Variants in SLC6A11 observed in about 807,000 individuals in gnomAD.
The protein encoded by SLC6A11 is sodium- and chloride-dependent GABA transporter 3.
A neutral mutation model predicts 74.8 loss-of-function variants in SLC6A11; 25 were observed. The observed-to-expected ratio is 0.33, with a 90% CI of 0.24 to 0.47. The LOEUF is 0.47. Ranked by LOEUF, SLC6A11 falls within the 20% of genes least tolerant of loss-of-function variation. The probability of loss-of-function intolerance (pLI) is 1.00; values close to 1 mark genes in which losing one functional copy is unlikely to be tolerated. For synonymous variants in SLC6A11, 330 were observed against 330.2 expected, an observed-to-expected ratio of 1.00 and a Z score of 0.01; for missense variants, 574 against 837.0, an observed-to-expected ratio of 0.69 and a Z score of 3.88.
intron 3 of SLC6A11, among the ~76,000 whole-genome samples, chr3:10,822,972 A>G (rs983165934): frequency 5.3e-5 from 8 of 152,334 alleles, no homozygotes; most frequent in African/African-American, 1.7e-4. Flanking sequence ...AGCCAGACAG[A>G]TAAATGCTAC....
rs935963183 is a variant in SLC6A11, at chr3:10,820,392, A to G, written c.532+540A>G. 5.9e-5 allele frequency among the ~76,000 whole-genome samples: 9 copies of G among 152,266 alleles called. No individual in the cohort carries two copies. The East Asian group carries it at 1.7e-3, about 29-fold the overall frequency. ...TTCAGGTTTCCAGCCTATCTTAAAA[A>G]CTTAAACGATCTGGTGACACCAGAC... is the stretch of plus-strand genomic sequence containing the variant. On this transcript the variant is annotated intron_variant, in intron 3 of 13. Coordinates refer to ENST00000254488, the MANE Select transcript of SLC6A11 (RefSeq NM_014229.3).
chr3:10,898,519 G>A (rs535640128), intron 6 of SLC6A11, among the ~76,000 whole-genome samples: 1 of 152,300 alleles, frequency 6.6e-6, no homozygotes, highest in Non-Finnish European at 1.5e-5. Context: ...CAAATATCTA[G>A]GACAGTGGCA....
At chr3:10,893,417 A>G (rs1695130164) in intron 6 of SLC6A11, among the ~76,000 whole-genome samples, 3 of 152,154 alleles carry the variant, frequency 2.0e-5, no homozygotes, top group South Asian at 4.1e-4. Flanking sequence ...TCACAGATGG[A>G]TAATATCAGG....
At chr3:10,891,535 A>G (rs1695107487) in intron 6 of SLC6A11, among the ~76,000 whole-genome samples, 2 of 152,366 alleles carry the variant, frequency 1.3e-5, no homozygotes, top group Non-Finnish European at 1.5e-5. Context: ...TTTCTTACAC[A>G]TAGAGTAAAA....
At chr3:10,885,219 C>T (rs909731455) in intron 6 of SLC6A11, among the ~76,000 whole-genome samples, 23 of 152,226 alleles carry the variant, frequency 1.5e-4, no homozygotes, top group African/African-American at 5.3e-4. Context: ...TCTTTAAAAT[C>T]TTTTATACTA....
At chr3:10,827,966 C>T (rs564386465) in intron 4 of SLC6A11, among the ~76,000 whole-genome samples, 5 of 152,154 alleles carry the variant, frequency 3.3e-5, no homozygotes, top group Non-Finnish European at 5.9e-5. Context: ...TCCTACAGGG[C>T]CAGGGATGCT....
chr3:10,849,989 A>G (rs941950716), intron 5 of SLC6A11, among the ~76,000 whole-genome samples: 1 of 151,976 alleles, frequency 6.6e-6, no homozygotes, highest in Non-Finnish European at 1.5e-5. Context: ...TCACCCATAT[A>G]TTATCCCTGG....
At chr3:10,893,819 C>A (rs759940222) in intron 6 of SLC6A11, among the ~76,000 whole-genome samples, 1 of 152,172 alleles carries the variant, frequency 6.6e-6, no homozygotes, top group Non-Finnish European at 1.5e-5. Flanking sequence ...TCCATGCATT[C>A]TATTTTATTT....
chr3:10,852,270 A>G (rs1468331739), intron 5 of SLC6A11, among the ~76,000 whole-genome samples: 1 of 152,216 alleles, frequency 6.6e-6, no homozygotes, highest in Non-Finnish European at 1.5e-5. Context: ...TGGGCGGCCA[A>G]ACAGGAGAGC....
chr3:10,910,665 T>C (rs2106625082), intron 6 of SLC6A11, among the ~76,000 whole-genome samples: 1 of 152,040 alleles, frequency 6.6e-6, no homozygotes, highest in Non-Finnish European at 1.5e-5. Flanking sequence ...TGGGACTGAG[T>C]GGGCATACAT....
At position 10,816,364 on chromosome 3, in the gene SLC6A11, G is replaced by C; in HGVS notation, c.99G>C (p.Ala33=). 2 of 1,465,772 alleles carry C rather than the reference G, an allele frequency of 1.4e-6. No individual in the cohort carries two copies. Among genetic ancestry groups the C allele is most frequent in the South Asian group, 1.4e-5 (1 of 72,514 alleles). The allele number at this position is 1,465,772 out of a possible 1,614,324, so 90.8% of individuals were successfully genotyped here. ...GTGGCGGCTGCAGCAGCGGGGGCGC[G>C]GCGCCCGCGCGCCACCCGCGCGTCA... ...APGGGCSSGG[A]APARHPRVKR... is the part of the protein sequence containing the mutation. The change falls in exon 1 of 14, where the codon GCG becomes GCC. Residue 33 remains alanine (A), a synonymous_variant. Transcript: ENST00000254488. The surrounding 1 kb of genome is among the most constrained non-coding windows in gnomAD (Gnocchi z 4.2).
intron 8 of SLC6A11, among the ~76,000 whole-genome samples, chr3:10,924,955 G>T (rs528270007): frequency 1.3e-5 from 2 of 152,166 alleles, no homozygotes; most frequent in Admixed American, 6.5e-5. Flanking sequence ...ACATATGATT[G>T]CCATATGACC....
chr3:10,848,769 G>T (rs1049059332), intron 5 of SLC6A11, among the ~76,000 whole-genome samples: 6 of 152,200 alleles, frequency 3.9e-5, no homozygotes, highest in Non-Finnish European at 8.8e-5. Context: ...ACAACTTGGG[G>T]ATTCTCATGG....
rs538346448 is a variant in SLC6A11, at chr3:10,887,244, G to A, written c.891+12149G>A. 1.2e-4 allele frequency among the ~76,000 whole-genome samples: 18 copies of A among 151,784 alleles called. No individual in the cohort carries two copies. In the South Asian group the frequency reaches 3.8e-3, roughly 32 times the overall value. The stretch of plus-strand genomic sequence containing the variant: ...GGGCAGATGGATAGATAGATGCATG[G>A]ATGGATGATGAATGGATGGATGGTT... On this transcript the variant is annotated intron_variant, in intron 6 of 13. Coordinates refer to ENST00000254488, the MANE Select transcript of SLC6A11 (RefSeq NM_014229.3).
At chr3:10,900,327 G>A (rs1045238311) in intron 6 of SLC6A11, among the ~76,000 whole-genome samples, 1 of 152,130 alleles carries the variant, frequency 6.6e-6, no homozygotes, top group Non-Finnish European at 1.5e-5. Context: ...GCAGCTGTGG[G>A]CACCCTACAG....
chr3:10,911,610 C>T (rs1040713760), intron 6 of SLC6A11, among the ~76,000 whole-genome samples: 6 of 152,082 alleles, frequency 3.9e-5, no homozygotes, highest in Admixed American at 6.5e-5. Context: ...CTCATGGTGG[C>T]CTTAATCACA....
At chr3:10,882,623 A>G (rs897541424) in intron 6 of SLC6A11, among the ~76,000 whole-genome samples, 2 of 152,248 alleles carry the variant, frequency 1.3e-5, no homozygotes, top group African/African-American at 4.8e-5. Flanking sequence ...ACAAGTGAAC[A>G]AAGGAAGGAA....
chr3:10,866,586 C>T (rs564925653), intron 5 of SLC6A11, among the ~76,000 whole-genome samples: 3 of 152,198 alleles, frequency 2.0e-5, no homozygotes, highest in African/African-American at 2.4e-5. Flanking sequence ...GCCCCACACA[C>T]GGGCTAATTT....
intron 5 of SLC6A11, among the ~76,000 whole-genome samples, chr3:10,872,229 C>T (rs1325655101): frequency 1.3e-5 from 2 of 152,298 alleles, no homozygotes; most frequent in East Asian, 3.9e-4. Context: ...CAATCCTGGG[C>T]AAGTTATGAG....
Sources: gnomAD v4.1 joint callset for allele counts (sites outside exome capture counted in the v4.1 genomes callset) on GRCh38, gnomAD v4.1.1 for gene constraint, Gnocchi (gnomAD v3.1) non-coding constraint, MANE v1.5 for transcripts, NCBI Gene and HGNC (gene_info 2026-07-23, HGNC 2026-07-21) for gene names.